The following EMSY variants were observed in gnomAD, a reference collection of about 807,000 sequenced individuals.
EMSY encodes the protein BRCA2-interacting transcriptional repressor EMSY.
A neutral mutation model predicts 134.6 loss-of-function variants in EMSY; 26 were observed. The observed-to-expected ratio is 0.19, with a 90% CI of 0.14 to 0.27. The LOEUF (loss-of-function observed/expected upper bound fraction) is 0.27. Ranked by LOEUF, EMSY falls within the 10% of genes least tolerant of loss-of-function variation. The pLI is 1.00. For missense variants in EMSY, 1,305 were observed against 1,611.4 expected, an observed-to-expected ratio of 0.81 and a Z score of 3.26; for synonymous variants, 579 against 577.8, an observed-to-expected ratio of 1.00 and a Z score of -0.03.
chr11:76,490,268 A>G (rs182916679), intron 8 of EMSY, among the ~76,000 whole-genome samples: 420 of 151,446 alleles, frequency 2.8e-3, no homozygotes, highest in Non-Finnish European at 4.8e-3. Context: ...AGGGTTCTCA[A>G]CCTCCACATT....
chr11:76,454,705 G>T (rs1947801889), intron 4 of EMSY, 44 bp from the exon 5 acceptor site: 1 of 1,299,496 alleles, frequency 7.7e-7, no homozygotes, highest in Non-Finnish European at 1.0e-6. Context: ...ATACTTAAAG[G>T]ATAACATTTA....
At chr11:76,539,089 A>G (rs957122265) in intron 16 of EMSY, among the ~76,000 whole-genome samples, 1 of 152,216 alleles carries the variant, frequency 6.6e-6, no homozygotes. Flanking sequence ...TAGATGGCAT[A>G]TATAGAGAAA....
intron 8 of EMSY, among the ~76,000 whole-genome samples, chr11:76,474,203 A>C (rs1020702201): frequency 4.6e-5 from 7 of 151,924 alleles, no homozygotes; most frequent in African/African-American, 1.7e-4. Context: ...TGTTCCTCCC[A>C]TATGAAAGAC....
intron 2 of EMSY, among the ~76,000 whole-genome samples, chr11:76,447,220 T>C (rs1273875523): frequency 1.3e-5 from 2 of 152,252 alleles, no homozygotes; most frequent in Non-Finnish European, 2.9e-5. Context: ...TACTAGTAGC[T>C]AAGATTTATT....
chr11:76,539,318 A>T (rs1951344933), intron 16 of EMSY, among the ~76,000 whole-genome samples: 1 of 152,200 alleles, frequency 6.6e-6, no homozygotes, highest in African/African-American at 2.4e-5. Flanking sequence ...ATAAACTTAC[A>T]GATATTTGAA....
At chr11:76,478,052 C>T (rs1035837239) in intron 8 of EMSY, among the ~76,000 whole-genome samples, 2 of 152,150 alleles carry the variant, frequency 1.3e-5, no homozygotes, top group African/African-American at 4.8e-5. Flanking sequence ...CACAAATACT[C>T]CTGCTGTCTG....
chr11:76,541,570 G>A (rs1951442090), intron 17 of EMSY, among the ~76,000 whole-genome samples: 1 of 152,158 alleles, frequency 6.6e-6, no homozygotes, highest in Non-Finnish European at 1.5e-5. Context: ...GCTAATAGAG[G>A]ATGAGTGACC....
chr11:76,497,827 AT>A (rs1949712893), intron 9 of EMSY, among the ~76,000 whole-genome samples: 1 of 151,634 alleles, frequency 6.6e-6, no homozygotes, highest in African/African-American at 2.4e-5. Context: ...TCTGTTTTTA[AT>A]TTTATTATCT....
exon 19 of EMSY, chr11:76,544,705 G>A (rs745334045): frequency 1.7e-5 from 27 of 1,613,976 alleles, no homozygotes; most frequent in South Asian, 1.4e-4. Context: ...TGAAAACCAC[G>A]CAGCAGCTCC....
intron 11 of EMSY, 168 bp downstream of exon 12, chr11:76,516,480 T>G: frequency 2.2e-6 from 1 of 446,428 alleles, no homozygotes; most frequent in Non-Finnish European, 3.8e-6. Flanking sequence ...AGTTTTAATA[T>G]TCAATATTCA....
exon 21 of EMSY, chr11:76,550,570 T>G (rs543278212): frequency 6.5e-6 from 1 of 153,432 alleles, no homozygotes; most frequent in South Asian, 2.1e-4. Context: ...TTTAAAAACT[T>G]GTATGTTTTT....
At chr11:76,507,507 AC>A (rs1262301985) in intron 9 of EMSY, among the ~76,000 whole-genome samples, 4 of 152,230 alleles carry the variant, frequency 2.6e-5, no homozygotes, top group Non-Finnish European at 4.4e-5. Context: ...TATTTCAACA[AC>A]ATCCACAGGA....
chr11:76,499,489 G>T (rs569525707), intron 9 of EMSY, among the ~76,000 whole-genome samples: 1 of 150,760 alleles, frequency 6.6e-6, no homozygotes, highest in Non-Finnish European at 1.5e-5. Context: ...GGGTTTCACC[G>T]TGTTATCCAG....
Position 76,496,204 on chromosome 11 carries a change from C to T in EMSY, c.1109-11C>T. 1.3e-6 allele frequency: 2 copies of T among 1,597,870 alleles called. No homozygotes were observed. Among genetic ancestry groups the T allele is most frequent in the South Asian group, 1.1e-5 (1 of 88,406 alleles). Reference sequence around the variant, plus strand: ...TATCAAATTCTCTTTTCCCTTACTCCTTTTCTACAGGTGTATCTACATCAG... The same window carrying T: ...TATCAAATTCTCTTTTCCCTTACTCTTTTTCTACAGGTGTATCTACATCAG... On this transcript the variant is annotated splice_polypyrimidine_tract_variant and intron_variant, in intron 8 of 20. Transcript: ENST00000334736.
At chr11:76,477,754 A>G (rs1326357027) in intron 8 of EMSY, among the ~76,000 whole-genome samples, 1 of 152,174 alleles carries the variant, frequency 6.6e-6, no homozygotes, top group Non-Finnish European at 1.5e-5. Context: ...AACAGACTAG[A>G]AGCTGTAATT....
At chr11:76,489,918 T>C (rs1024127520) in intron 8 of EMSY, among the ~76,000 whole-genome samples, 1 of 152,150 alleles carries the variant, frequency 6.6e-6, no homozygotes, top group Admixed American at 6.5e-5. Context: ...TTGATGTATC[T>C]TTTTTTCATT....
At chr11:76,472,808 C>T (rs1053952389) in exon 8 of EMSY, 3 of 1,614,096 alleles carry the variant, frequency 1.9e-6, no homozygotes, top group Middle Eastern at 3.3e-4. Flanking sequence ...GTGTCCTCTA[C>T]ACCATCTGTG....
At chr11:76,445,309 G>C (rs905682646) in intron 1 of EMSY, among the ~76,000 whole-genome samples, 181 bp downstream of exon 1, 2 of 152,172 alleles carry the variant, frequency 1.3e-5, no homozygotes, top group Admixed American at 6.5e-5. Flanking sequence ...CTGGTGCTGG[G>C]ACTCTGGGGG....
At chr11:76,527,066 G>C (rs1414963532) in intron 13 of EMSY, among the ~76,000 whole-genome samples, 1 of 152,078 alleles carries the variant, frequency 6.6e-6, no homozygotes, top group Non-Finnish European at 1.5e-5. Flanking sequence ...AGCTAGAGTT[G>C]TATTTATTTT....
Sources: allele counts gnomAD v4.1 joint callset (sites outside exome capture counted in the v4.1 genomes callset), GRCh38; gene constraint gnomAD v4.1.1; transcripts MANE v1.5; gene names NCBI Gene and HGNC (gene_info 2026-07-23, HGNC 2026-07-21).